SGIP1: variants seen among roughly 807,000 people sequenced by gnomAD.
SGIP1 encodes the protein SH3GL interacting endocytic adaptor 1.
In SGIP1, 38 loss-of-function variants were observed where a neutral mutation model predicts 107.5. That is an observed-to-expected ratio of 0.35 (90% CI 0.27 to 0.46). The LOEUF (loss-of-function observed/expected upper bound fraction) is 0.46. SGIP1 is among the 20% of genes least tolerant of loss of function. The pLI, the probability that SGIP1 is intolerant of heterozygous loss-of-function variation, is 1.00. For synonymous variants in SGIP1, 365 were observed against 366.1 expected (o/e 1.00, Z 0.03); for missense variants, 929 against 1,019.5 (o/e 0.91, Z 1.21).
At chr1:66,727,558 T>G (rs1028886977) in intron 19 of SGIP1, among the ~76,000 whole-genome samples, 11 of 152,360 alleles carry the variant, frequency 7.2e-5, no homozygotes, top group African/African-American at 2.6e-4. Flanking sequence ...ACAGGGTATA[T>G]TCATACTAAT....
intron 22 of SGIP1, 62 bp downstream of exon 22, chr1:66,739,599 T>C (rs1052004993): frequency 6.3e-5 from 97 of 1,542,984 alleles, no homozygotes; most frequent in Non-Finnish European, 8.2e-5. Context: ...CACAGACTCC[T>C]TAGCACTTGC....
intron 1 of SGIP1, among the ~76,000 whole-genome samples, chr1:66,538,769 T>C (rs1260974346): frequency 2.6e-5 from 4 of 152,262 alleles, no homozygotes; most frequent in Non-Finnish European, 5.9e-5. Flanking sequence ...CCATAAAATG[T>C]GTAAAGAACA....
In SGIP1 at chr1:66,558,567, A is replaced by G. The variant is rs1226178627; in HGVS notation, c.10+24199A>G. On this transcript the variant is annotated intron_variant, in intron 1 of 24. Coordinates refer to ENST00000371037, the MANE Select transcript of SGIP1 (RefSeq NM_032291.4). ...GTATCATTAATTAATAATAGCTAAC[A>G]TTAATTGAGCACCTACTATGTGCCA... Among the ~76,000 whole-genome samples, 3 of 152,022 alleles carry G rather than the reference A, an allele frequency of 2.0e-5. No individual in the cohort carries two copies. The East Asian group carries it at 5.8e-4, about 29-fold the overall frequency.
intron 2 of SGIP1, among the ~76,000 whole-genome samples, chr1:66,627,252 C>T (rs7512692): frequency 0.13 from 20,419 of 151,486 alleles, 1,788 homozygotes; most frequent in East Asian, 0.31. Context: ...AGTGATGCTT[C>T]GGGGTGGGGG....
chr1:66,628,221 T>G (rs1485746054), intron 2 of SGIP1, among the ~76,000 whole-genome samples: 2 of 152,126 alleles, frequency 1.3e-5, no homozygotes, highest in Non-Finnish European at 2.9e-5. Context: ...TGTGCATGTG[T>G]CTTTATAGCA....
At chr1:66,708,475 T>C (rs1428381007) in intron 18 of SGIP1, among the ~76,000 whole-genome samples, 1 of 152,146 alleles carries the variant, frequency 6.6e-6, no homozygotes, top group Non-Finnish European at 1.5e-5. Context: ...GGAAATCAAT[T>C]TGAGCAAGTG....
chr1:66,634,913 T>C (rs556857189), intron 3 of SGIP1, among the ~76,000 whole-genome samples: 1 of 152,342 alleles, frequency 6.6e-6, no homozygotes, highest in African/African-American at 2.4e-5. Flanking sequence ...TTCTCAGAGA[T>C]ACCGACCTGA....
chr1:66,578,434 C>T (rs1422542371), intron 1 of SGIP1, among the ~76,000 whole-genome samples: 5 of 152,094 alleles, frequency 3.3e-5, no homozygotes, highest in African/African-American at 1.2e-4. Flanking sequence ...TTATGAAATG[C>T]CTTACATATT....
intron 3 of SGIP1, among the ~76,000 whole-genome samples, chr1:66,634,502 A>G (rs986362899): frequency 1.3e-5 from 2 of 152,176 alleles, no homozygotes; most frequent in Non-Finnish European, 2.9e-5. Flanking sequence ...TATGTGCTGC[A>G]TTAATGAACC....
chr1:66,568,853 T>A (rs1020901717), intron 1 of SGIP1, among the ~76,000 whole-genome samples: 1 of 151,952 alleles, frequency 6.6e-6, no homozygotes, highest in Non-Finnish European at 1.5e-5. Flanking sequence ...AACTAGGTAT[T>A]GAGGGAGCTT....
intron 13 of SGIP1, among the ~76,000 whole-genome samples, chr1:66,679,142 G>T (rs2086067911): frequency 6.6e-6 from 1 of 152,146 alleles, no homozygotes; most frequent in Non-Finnish European, 1.5e-5. Flanking sequence ...TTTAAAAAAT[G>T]TACTAAAATT....
chr1:66,727,936 G>A (rs950112723), intron 19 of SGIP1, among the ~76,000 whole-genome samples: 2 of 151,934 alleles, frequency 1.3e-5, no homozygotes, highest in Non-Finnish European at 2.9e-5. Context: ...TGATGGAAAT[G>A]TTCATTTTCT....
At chr1:66,722,698 CG>C (rs1293422304) in intron 19 of SGIP1, among the ~76,000 whole-genome samples, 1 of 152,120 alleles carries the variant, frequency 6.6e-6, no homozygotes, top group African/African-American at 2.4e-5. Flanking sequence ...GTTAAGAAGC[CG>C]TTATTAACGT....
intron 7 of SGIP1, among the ~76,000 whole-genome samples, chr1:66,658,303 G>A (rs751903252): frequency 3.3e-5 from 5 of 151,884 alleles, no homozygotes; most frequent in Non-Finnish European, 5.9e-5. Flanking sequence ...CTGCCCTGGA[G>A]ATCTGAACAC....
At position 66,744,415 on chromosome 1, in the gene SGIP1, G is replaced by A. The variant is rs569982890; in HGVS notation, c.*1320G>A. ...AACATTTAGAAAGACAAACTTCTTCGGGAGTCTCAGTTGTAAAACCTTCCC... is the reference window on the plus strand; with the variant it reads ...AACATTTAGAAAGACAAACTTCTTCAGGAGTCTCAGTTGTAAAACCTTCCC... On this transcript the variant is annotated 3_prime_UTR_variant, in exon 25 of 25. Coordinates refer to ENST00000371037, the MANE Select transcript of SGIP1 (RefSeq NM_032291.4). The A allele has an allele frequency of 9.9e-5, 15 of 152,076 alleles. No homozygotes were observed. Among genetic ancestry groups the A allele is most frequent in the African/African-American group, 2.6e-4 (11 of 41,514 alleles). The allele number at this position is 152,076 out of a possible 1,614,324, so 9.4% of individuals were successfully genotyped here.
chr1:66,733,897 G>A lies in SGIP1; in HGVS notation c.2031+17G>A. 6.2e-7 allele frequency: 1 copy of A among 1,606,864 alleles called. No individual in the cohort carries two copies. The highest frequency in any genetic ancestry group is 8.5e-7 in the Non-Finnish European group (1 of 1,176,402). ...AAATATCAGGTAAGCCTATTTACAT[G>A]ATCGGTATCTCTTCCACATGACATA... On this transcript the variant is annotated intron_variant, in intron 21 of 24. Transcript: ENST00000371037.
intron 3 of SGIP1, 40 bp from the exon 4 acceptor site, chr1:66,635,903 CT>C (rs1310837426): frequency 1.3e-6 from 2 of 1,598,706 alleles, no homozygotes; most frequent in South Asian, 1.1e-5. Flanking sequence ...ACAAGCAGAT[CT>C]TTTAACCACT....
At chr1:66,620,749 A>G (rs966714184) in intron 1 of SGIP1, among the ~76,000 whole-genome samples, 2 of 152,188 alleles carry the variant, frequency 1.3e-5, no homozygotes, top group Admixed American at 6.5e-5. Flanking sequence ...TAAGAAATGT[A>G]TTTTATATCA....
At chr1:66,576,202 C>A (rs1485851112) in intron 1 of SGIP1, among the ~76,000 whole-genome samples, 1 of 152,106 alleles carries the variant, frequency 6.6e-6, no homozygotes, top group Non-Finnish European at 1.5e-5. Context: ...TCGTATTTTT[C>A]TTCTTGAAAA....
Sources: gnomAD v4.1 joint callset for allele counts (sites outside exome capture counted in the v4.1 genomes callset) on GRCh38, gnomAD v4.1.1 for gene constraint, MANE v1.5 for transcripts, NCBI Gene and HGNC (gene_info 2026-07-23, HGNC 2026-07-21) for gene names.